MCM3AP: variants seen among roughly 807,000 people sequenced by gnomAD.
MCM3AP encodes germinal-center associated nuclear protein.
Under a neutral mutation model 184.1 loss-of-function variants are expected in MCM3AP, and 126 were observed. The ratio of observed to expected loss-of-function variants is 0.68; its 90% CI spans 0.59 to 0.79. The LOEUF is 0.79. Among genes scored for constraint, MCM3AP ranks in the 30% least tolerant of loss-of-function variants. MCM3AP has a pLI of 0.00. For missense variants in MCM3AP, 2,496 were observed against 2,479.2 expected (o/e 1.01, Z -0.14); for synonymous variants, 1,002 against 979.3 (o/e 1.02, Z -0.43).
rs200614497 is a variant in MCM3AP, at chr21:46,284,215, T to C, written c.1072A>G (p.Lys358Glu). ...SNKEVGRLGN[K>E]EAKKETGFVE... is the part of the protein sequence containing the mutation. ...AAGCCAGTTTCCTTTTTGGCCTCCT[T>C]GTTGCCCAGACGACCTACTTCCTTA... The change falls in exon 1 of 28, where the codon AAG becomes GAG. Residue 358 changes from lysine to glutamate, a missense_variant. Coordinates refer to ENST00000291688, the MANE Select transcript of MCM3AP (RefSeq NM_003906.5). 2 of 1,614,220 alleles carry C rather than the reference T, an allele frequency of 1.2e-6. No homozygotes were observed. The highest frequency in any genetic ancestry group is 2.2e-5 in the East Asian group (1 of 44,886).
In MCM3AP at chr21:46,280,113, A is replaced by G; in HGVS notation, c.1547T>C (p.Leu516Pro). 2 of 1,614,188 alleles carry G rather than the reference A, an allele frequency of 1.2e-6. No individual in the cohort carries two copies. Among genetic ancestry groups the G allele is most frequent in the Non-Finnish European group, 1.7e-6 (2 of 1,180,014 alleles). Residue 516 changes from leucine (L) to proline (P), a missense_variant, in exon 4 of 28, where the codon CTG (leucine) becomes CCG (proline). Coordinates refer to ENST00000291688, the MANE Select transcript of MCM3AP (RefSeq NM_003906.5). ...KISPNKKPFS[L>P]KEKKPGDGEV... ...ACCGTCACCTGGTTTCTTCTCCTTC[A>G]GGGAAAAGGGTTTCTTATTGGGGCC...
In MCM3AP at chr21:46,273,493, G is replaced by A. The variant is rs371262030; in HGVS notation, c.2091C>T (p.Leu697=). ...TCACCAGGTAGTCCATGGTCCTGCTGAGCACTGGCAAGGGCCGCAGCTCGT... is the reference window on the plus strand; with the variant it reads ...TCACCAGGTAGTCCATGGTCCTGCTAAGCACTGGCAAGGGCCGCAGCTCGT... ...LPHELRPLPV[L]SRTMDYLVTQ... The change falls in exon 7 of 28, where the codon CTC becomes CTT. Residue 697 remains leucine (L), a synonymous_variant. Coordinates refer to ENST00000291688, the MANE Select transcript of MCM3AP (RefSeq NM_003906.5). 1.9e-6 allele frequency: 3 copies of A among 1,613,914 alleles called. No homozygotes were observed. In the African/African-American group the frequency reaches 4.0e-5, roughly 22 times the overall value.
chr21:46,278,953 G>GT (rs2081289968), intron 4 of MCM3AP, among the ~76,000 whole-genome samples: 1 of 2,510 alleles, frequency 4.0e-4, no homozygotes, highest in Non-Finnish European at 4.3e-3. Context: ...GATTACAGGC[G>GT]TGAGCACTGC....
chr21:46,238,993 T>C (rs2080599113), intron 26 of MCM3AP, among the ~76,000 whole-genome samples: 1 of 152,068 alleles, frequency 6.6e-6, no homozygotes, highest in South Asian at 2.1e-4. Context: ...AGGTCGGAGA[T>C]GGGCAAGCAG....
intron 2 of MCM3AP, among the ~76,000 whole-genome samples, chr21:46,280,850 G>C (rs1288355798): frequency 6.6e-6 from 1 of 151,474 alleles, no homozygotes; most frequent in East Asian, 1.9e-4. Flanking sequence ...CTGTCAGCCA[G>C]GCTGGAGTGC....
chr21:46,272,611 C>T lies in MCM3AP; in HGVS notation c.2415G>A (p.Glu805=). 1 of 1,614,212 alleles carries T rather than the reference C, an allele frequency of 6.2e-7. No individual in the cohort carries two copies. Among genetic ancestry groups the T allele is most frequent in the Non-Finnish European group, 8.5e-7 (1 of 1,180,022 alleles). ...NKGVFCASEA[E]FQGYNVLLSL... is the part of the protein sequence containing the mutation. ...TGAGCAGAACATTGTAGCCCTGGAACTCCGCTTCGCTGGCACAGAAGACAC... is the reference window on the plus strand; with the variant it reads ...TGAGCAGAACATTGTAGCCCTGGAATTCCGCTTCGCTGGCACAGAAGACAC... Residue 805 remains glutamate (E), a synonymous_variant, in exon 8 of 28, where the codon GAG becomes GAA. Transcript: ENST00000291688.
chr21:46,252,675 C>T (rs928152115), intron 19 of MCM3AP: 3 of 149,476 alleles, frequency 2.0e-5, no homozygotes, highest in African/African-American at 7.4e-5. Context: ...CAGAGTGAGA[C>T]TCCATCTAAA....
chr21:46,278,617 T>C (rs1265362657), intron 4 of MCM3AP, among the ~76,000 whole-genome samples: 1 of 152,062 alleles, frequency 6.6e-6, no homozygotes. Flanking sequence ...GCCGACCGTG[T>C]CTGCTTCACT....
chr21:46,251,829 T>C (rs2145637034), intron 19 of MCM3AP, 147 bp from the exon 20 acceptor site: 1 of 478,386 alleles, frequency 2.1e-6, no homozygotes, highest in South Asian at 2.7e-5. Flanking sequence ...ATGAAGCTGA[T>C]CTGCACAAAA....
chr21:46,241,214 G>A (rs998476389), intron 25 of MCM3AP, 197 bp from the exon 26 acceptor site: 1 of 587,594 alleles, frequency 1.7e-6, no homozygotes, highest in African/African-American at 1.9e-5. Context: ...GTGGAGCAAA[G>A]AGGGAAGGCA....
At position 46,244,942 on chromosome 21, in the gene MCM3AP, C is replaced by T; in HGVS notation, c.4903G>A (p.Val1635Ile). Residue 1635 changes from valine (V) to isoleucine (I), a missense_variant, in exon 23 of 28, where the codon GTC (valine) becomes ATC (isoleucine). This residue lies in a region of MCM3AP where 1,323 missense variants were observed against 1,273.4 expected (regional missense o/e 1.04). Transcript: ENST00000291688. ...SEQLCDLSWP[V>I]TEFAEAGGSR... ...CCCCCTGCCTCAGCAAACTCAGTGA[C>T]AGGCCAGGACAGGTCACACAGCTGT... The T allele has an allele frequency of 1.2e-6, 2 of 1,614,220 alleles. No individual in the cohort carries two copies. Among genetic ancestry groups the T allele is most frequent in the African/African-American group, 1.3e-5 (1 of 75,066 alleles).
rs1569075057 is a variant in MCM3AP at position 46,270,497 on chromosome 21, A to G, written c.2532T>C (p.Phe844=). ...SSEVKFAVQA[F]AALNSNNFVR... The stretch of plus-strand genomic sequence containing the variant: ...CAAAATTATTACTGTTCAATGCAGC[A>G]AAAGCCTGAACAGCAAATTTCACCT... The change falls in exon 9 of 28, where the codon TTT becomes TTC. Residue 844 remains phenylalanine (F), a synonymous_variant. Transcript: ENST00000291688. 6.2e-7 allele frequency: 1 copy of G among 1,613,880 alleles called. No homozygotes were observed. Among genetic ancestry groups the G allele is most frequent in the East Asian group, 2.2e-5 (1 of 44,876 alleles).
chr21:46,272,003 A>C (rs1214773989), intron 8 of MCM3AP, among the ~76,000 whole-genome samples: 1 of 152,106 alleles, frequency 6.6e-6, no homozygotes, highest in East Asian at 1.9e-4. Context: ...ACTGTCCACC[A>C]TAAGTCCAGC....
Position 46,284,340 on chromosome 21 carries a change from GAC to G in MCM3AP, c.945_946del (p.Ser316ProfsTer34), listed in dbSNP as rs1569085172. The G allele has an allele frequency of 1.2e-6, 2 of 1,614,208 alleles. No homozygotes were observed. Among genetic ancestry groups the G allele is most frequent in the African/African-American group, 1.3e-5 (1 of 75,050 alleles). On this transcript the variant is annotated frameshift_variant, in exon 1 of 28. Transcript: ENST00000291688. LOFTEE classifies it high-confidence loss of function. ...TTTGTCTGGAGGATGATCGCCCCGG[GAC>G]AGAGGATCCGAATCTTCTGCTGGCT...
At chr21:46,280,609 A>AT in intron 2 of MCM3AP, 34 bp from the exon 3 acceptor site, 1 of 1,444,970 alleles carries the variant, frequency 6.9e-7, no homozygotes, top group Non-Finnish European at 9.7e-7. Context: ...ATGTGTGAGT[A>AT]TATCAGGAAA....
intron 6 of MCM3AP, among the ~76,000 whole-genome samples, chr21:46,274,902 G>A (rs1293967113): frequency 1.5e-5 from 2 of 135,026 alleles, no homozygotes; most frequent in Admixed American, 1.7e-4. Context: ...TTGGACCACT[G>A]CACTTCAGCC....
intron 24 of MCM3AP, 68 bp from the exon 25 acceptor site, chr21:46,242,999 A>AAAAC: frequency 8.3e-7 from 1 of 1,206,458 alleles, no homozygotes; most frequent in South Asian, 1.6e-5. Flanking sequence ...AAAAAAAAAA[A>AAAAC]CACACACAAA....
chr21:46,254,614 T>C (rs975639748), intron 18 of MCM3AP, 88 bp from the exon 19 acceptor site: 76 of 1,539,336 alleles, frequency 4.9e-5, no homozygotes, highest in East Asian at 3.6e-4. Flanking sequence ...AAGGGGCAGG[T>C]TGGAGGAAAA....
intron 7 of MCM3AP, 127 bp downstream of exon 7, chr21:46,273,261 C>T (rs755199063): frequency 1.1e-4 from 102 of 898,220 alleles, no homozygotes; most frequent in Non-Finnish European, 1.3e-4. Context: ...AGGCCTGAGC[C>T]ACTGCACCTG....
Sources: allele counts gnomAD v4.1 joint callset (sites outside exome capture counted in the v4.1 genomes callset), GRCh38; gene constraint gnomAD v4.1.1; regional missense constraint gnomAD v4.1.1; transcripts MANE v1.5; gene names NCBI Gene and HGNC (gene_info 2026-07-23, HGNC 2026-07-21).